TRHDE: variants seen among roughly 807,000 people sequenced by gnomAD.
The protein encoded by TRHDE is thyrotropin releasing hormone degrading enzyme.
In TRHDE, 72 loss-of-function variants were observed where a neutral mutation model predicts 125.7. The ratio of observed to expected loss-of-function variants is 0.57; its 90% CI spans 0.47 to 0.70. TRHDE has a LOEUF of 0.70. TRHDE is among the 30% of genes least tolerant of loss of function. The pLI, the probability that TRHDE is intolerant of heterozygous loss-of-function variation, is 0.00. For missense variants in TRHDE, 1,110 were observed against 1,327.1 expected (o/e 0.84, Z 2.54); for synonymous variants, 509 against 509.1 (o/e 1.00, Z 0.00).
chr12:72,357,407 ATCTC>A (rs1870872134), intron 2 of TRHDE, among the ~76,000 whole-genome samples: 1 of 151,392 alleles, frequency 6.6e-6, no homozygotes, highest in South Asian at 2.1e-4. Flanking sequence ...ACTGTTATAT[ATCTC>A]TATATATTTA....
intron 2 of TRHDE, among the ~76,000 whole-genome samples, chr12:72,128,463 T>C (rs1445378305): frequency 6.6e-6 from 1 of 152,208 alleles, no homozygotes; most frequent in African/African-American, 2.4e-5. Flanking sequence ...TCCATCATCA[T>C]GCAATTGAAA....
chr12:72,259,929 T>TA (rs1306043285), intron 2 of TRHDE, among the ~76,000 whole-genome samples: 2 of 152,228 alleles, frequency 1.3e-5, no homozygotes, highest in Non-Finnish European at 2.9e-5. Context: ...AGGCATCATG[T>TA]AAATGTAGTG....
intron 2 of TRHDE, among the ~76,000 whole-genome samples, chr12:72,215,814 A>G (rs1342718137): frequency 6.6e-6 from 1 of 152,144 alleles, no homozygotes; most frequent in African/African-American, 2.4e-5. Context: ...GCGCTCAGAA[A>G]TGGTTGGAGT....
At chr12:72,635,212 T>C (rs1168540614) in intron 15 of TRHDE, among the ~76,000 whole-genome samples, 22 of 152,088 alleles carry the variant, frequency 1.4e-4, no homozygotes, top group African/African-American at 5.1e-4. Flanking sequence ...TGTGAGATGG[T>C]ATCTCATTGT....
At chr12:72,108,538 C>T (rs1357343641) in intron 2 of TRHDE, among the ~76,000 whole-genome samples, 1 of 152,036 alleles carries the variant, frequency 6.6e-6, no homozygotes, top group African/African-American at 2.4e-5. Flanking sequence ...ATGTGAGTGC[C>T]AGCTTCTTCT....
intron 2 of TRHDE, among the ~76,000 whole-genome samples, chr12:72,174,996 G>A (rs552606065): frequency 1.3e-5 from 2 of 150,404 alleles, no homozygotes; most frequent in African/African-American, 2.4e-5. Context: ...ATTTTATTGT[G>A]GTAAGAACAC....
At chr12:72,535,977 A>G (rs1255324873) in intron 6 of TRHDE, among the ~76,000 whole-genome samples, 1 of 152,132 alleles carries the variant, frequency 6.6e-6, no homozygotes, top group Non-Finnish European at 1.5e-5. Context: ...GAGTGAATGG[A>G]AGCAAGTAAC....
chr12:72,170,630 T>C (rs1876852071), intron 2 of TRHDE, among the ~76,000 whole-genome samples: 1 of 152,150 alleles, frequency 6.6e-6, no homozygotes, highest in Non-Finnish European at 1.5e-5. Context: ...TCCATAGATC[T>C]AGGATGGACC....
At chr12:72,296,644 G>A (rs1880311827) in intron 2 of TRHDE, among the ~76,000 whole-genome samples, 1 of 152,162 alleles carries the variant, frequency 6.6e-6, no homozygotes, top group South Asian at 2.1e-4. Flanking sequence ...CTGCATGAGA[G>A]AAATGCCTGA....
rs1380111775 is a variant in TRHDE at position 72,286,691 on chromosome 12, G to A, written c.925G>A (p.Val309Ile). The change falls in exon 2 of 19, where the codon GTT becomes ATT. Residue 309 changes from valine to isoleucine, a missense_variant. This residue lies in a region of TRHDE where 252 missense variants were observed against 274.8 expected (regional missense o/e 0.92). Coordinates refer to ENST00000261180, the MANE Select transcript of TRHDE (RefSeq NM_013381.3). ...VLHGERRFLG[V>I]TQFSPTHARK... Reference sequence around the variant, plus strand: ...TTTTCTTTTTTCCAGATTCCTTGGTGTTACTCAGTTTTCGCCTACACATGC... The same window carrying A: ...TTTTCTTTTTTCCAGATTCCTTGGTATTACTCAGTTTTCGCCTACACATGC... 15 of 1,613,486 alleles carry A rather than the reference G, an allele frequency of 9.3e-6. No individual in the cohort carries two copies. The highest frequency in any genetic ancestry group is 3.3e-5 in the Admixed American group (2 of 59,928).
At chr12:72,144,689 C>T (rs1489227174) in intron 2 of TRHDE, among the ~76,000 whole-genome samples, 1 of 152,182 alleles carries the variant, frequency 6.6e-6, no homozygotes, top group Non-Finnish European at 1.5e-5. Context: ...ATAGAGCCCT[C>T]TGTCTGAATG....
At chr12:72,412,526 C>T (rs1329808371) in intron 3 of TRHDE, among the ~76,000 whole-genome samples, 1 of 151,902 alleles carries the variant, frequency 6.6e-6, no homozygotes, top group African/African-American at 2.4e-5. Context: ...TGAAGATGGG[C>T]CTGTCCTATG....
chr12:72,120,404 C>G (rs950292479), intron 2 of TRHDE, among the ~76,000 whole-genome samples: 4 of 151,564 alleles, frequency 2.6e-5, no homozygotes, highest in Non-Finnish European at 5.9e-5. Context: ...TCTCTTTCTT[C>G]TTTCCTTCCT....
At chr12:72,250,975 A>T (rs183928909) in intron 2 of TRHDE, among the ~76,000 whole-genome samples, 4 of 151,272 alleles carry the variant, frequency 2.6e-5, no homozygotes, top group Admixed American at 2.6e-4. Context: ...TTATTTTGAG[A>T]CCATTGAGAT....
chr12:72,588,746 T>C (rs1377856590), intron 12 of TRHDE, among the ~76,000 whole-genome samples: 2 of 152,166 alleles, frequency 1.3e-5, no homozygotes, highest in East Asian at 3.9e-4. Flanking sequence ...ATTTACCTGG[T>C]GTATTAGTCC....
intron 2 of TRHDE, among the ~76,000 whole-genome samples, chr12:72,187,739 G>T (rs984105354): frequency 1.3e-5 from 2 of 152,064 alleles, no homozygotes; most frequent in Admixed American, 1.3e-4. Context: ...CAGCTATCTG[G>T]GCATCTTTTA....
intron 2 of TRHDE, among the ~76,000 whole-genome samples, chr12:72,361,521 A>T (rs1466786147): frequency 2.0e-5 from 3 of 151,124 alleles, no homozygotes; most frequent in Non-Finnish European, 4.4e-5. Flanking sequence ...TATTCTTTGT[A>T]CTTTTCTATA....
At chr12:72,458,782 C>T (rs950629190) in intron 3 of TRHDE, among the ~76,000 whole-genome samples, 1 of 152,122 alleles carries the variant, frequency 6.6e-6, no homozygotes, top group African/African-American at 2.4e-5. Context: ...TACACTTCCC[C>T]TCTGGCTACC....
chr12:72,201,064 A>C (rs781296833), intron 2 of TRHDE, among the ~76,000 whole-genome samples: 28 of 152,176 alleles, frequency 1.8e-4, no homozygotes, highest in Middle Eastern at 3.2e-3. Flanking sequence ...TAACTGTGTT[A>C]GTTTAGTTAG....
Sources: allele counts gnomAD v4.1 joint callset (sites outside exome capture counted in the v4.1 genomes callset), GRCh38; gene constraint gnomAD v4.1.1; regional missense constraint gnomAD v4.1.1; transcripts MANE v1.5; gene names NCBI Gene and HGNC (gene_info 2026-07-23, HGNC 2026-07-21).